The following RP2 variants were observed in gnomAD, a reference collection of about 807,000 sequenced individuals.
RP2 encodes the protein protein XRP2.
Under a neutral mutation model 20.3 loss-of-function variants are expected in RP2, and 3 were observed. That is an observed-to-expected ratio of 0.15 (90% CI 0.07 to 0.38). The LOEUF is 0.38. Ranked by LOEUF, RP2 falls within the 10% of genes least tolerant of loss-of-function variation. The pLI is 1.00. For synonymous variants in RP2, 75 were observed against 94.8 expected (o/e 0.79, Z 1.22); for missense variants, 233 against 268.5 (o/e 0.87, Z 0.92).
At chrX:46,844,513 C>A (rs1263536326) in intron 1 of RP2, among the ~76,000 whole-genome samples, 2 of 111,139 alleles carry the variant, frequency 1.8e-5, no homozygotes, top group Non-Finnish European at 3.8e-5. Flanking sequence ...TGAACTCATT[C>A]TTTTTTATGG....
intron 1 of RP2, among the ~76,000 whole-genome samples, chrX:46,847,765 CATGTGTGTGTGT>C (rs1924762031): frequency 3.8e-5 from 3 of 78,424 alleles, no homozygotes; most frequent in African/African-American, 1.6e-4. Flanking sequence ...TATATACACA[CATGTGTGTGTGT>C]ACATACACAC....
intron 1 of RP2, among the ~76,000 whole-genome samples, chrX:46,842,250 T>G (rs929950851): frequency 2.7e-5 from 3 of 111,745 alleles, no homozygotes; most frequent in African/African-American, 9.8e-5. Context: ...AACCAACCAC[T>G]CTTCATCCTC....
intron 1 of RP2, among the ~76,000 whole-genome samples, chrX:46,847,717 T>TATATGTGTGTGTGTATATACACACAC: frequency 1.5e-5 from 1 of 67,960 alleles, no homozygotes; most frequent in African/African-American, 5.9e-5. Flanking sequence ...TATACACACA[T>TATATGTGTGTGTGTATATACACACAC]ATATGTGTGT....
rs782611838 is a variant in RP2 at position 46,866,600 on chromosome X, T to G, written c.883+6498T>G. On this transcript the variant is annotated intron_variant, in intron 3 of 4. Transcript: ENST00000218340. The stretch of plus-strand genomic sequence containing the variant: ...AACTTATTTGCCAACTAGAGTGCAG[T>G]TGGTATTGTACAGTCTTGTCTTTAG... 2.7e-5 allele frequency among the ~76,000 whole-genome samples: 3 copies of G among 112,022 alleles called. No individual in the cohort carries two copies. In the South Asian group the frequency reaches 1.1e-3, roughly 41 times the overall value.
At chrX:46,852,456 TTC>T (rs1341869073) in intron 1 of RP2, among the ~76,000 whole-genome samples, 1 of 112,534 alleles carries the variant, frequency 8.9e-6, no homozygotes, top group East Asian at 2.8e-4. Context: ...CTTCAGGTTC[TTC>T]TGTTTTCTGT....
Position 46,841,836 on chromosome X carries a change from TA to T in RP2, c.102+4636del, listed in dbSNP as rs781942484. Among the ~76,000 whole-genome samples the T allele has an allele frequency of 3.6e-5, 4 of 112,552 alleles. No individual in the cohort carries two copies. The South Asian group carries it at 1.5e-3, about 41-fold the overall frequency. ...AGGATATAACTAGTTCTTTGTTTAT[TA>T]ATTTTAAAAATAGCTTTTTAGAGAT... On this transcript the variant is annotated intron_variant, in intron 1 of 4. Transcript: ENST00000218340.
chrX:46,854,376 ATTTG>A (rs1195559602), intron 2 of RP2, among the ~76,000 whole-genome samples: 1 of 112,192 alleles, frequency 8.9e-6, no homozygotes, highest in African/African-American at 3.2e-5. Context: ...AGCATTAAGC[ATTTG>A]TTTGTAAGTA....
intron 3 of RP2, among the ~76,000 whole-genome samples, chrX:46,872,793 A>G (rs192698769): frequency 9.0e-6 from 1 of 111,664 alleles, no homozygotes; most frequent in Non-Finnish European, 1.9e-5. Flanking sequence ...GCTGGAGCGC[A>G]GTGGCTTGAT....
At chrX:46,853,044 T>C (rs1924889659) in intron 1 of RP2, among the ~76,000 whole-genome samples, 1 of 112,317 alleles carries the variant, frequency 8.9e-6, no homozygotes, top group African/African-American at 3.2e-5. Context: ...TAAAAATATA[T>C]TTTTGACCCT....
chrX:46,858,760 A>G (rs782305048), intron 2 of RP2, among the ~76,000 whole-genome samples: 1 of 111,847 alleles, frequency 8.9e-6, no homozygotes, highest in East Asian at 2.8e-4. Context: ...TGTGTGAGCC[A>G]TGATGCTGGG....
chrX:46,876,068 G>A (rs1925369748), intron 3 of RP2, among the ~76,000 whole-genome samples: 1 of 111,509 alleles, frequency 9.0e-6, no homozygotes, highest in African/African-American at 3.3e-5. Flanking sequence ...AAGGCAAGAG[G>A]ATTGCTTGAG....
chrX:46,864,556 G>A (rs1312193333), intron 3 of RP2, among the ~76,000 whole-genome samples: 2 of 109,192 alleles, frequency 1.8e-5, no homozygotes, highest in Non-Finnish European at 3.8e-5. Flanking sequence ...GACTACAGGC[G>A]TGCACCACCA....
chrX:46,851,446 G>A (rs942726141), intron 1 of RP2, among the ~76,000 whole-genome samples: 1 of 108,517 alleles, frequency 9.2e-6, no homozygotes, highest in Non-Finnish European at 1.9e-5. Flanking sequence ...AGACCAGCCC[G>A]GCTAACATGG....
At chrX:46,846,157 G>T (rs1216633286) in intron 1 of RP2, among the ~76,000 whole-genome samples, 3 of 111,950 alleles carry the variant, frequency 2.7e-5, no homozygotes, top group African/African-American at 6.5e-5. Context: ...CATTTGGGTT[G>T]TTTCCAATTT....
intron 4 of RP2, among the ~76,000 whole-genome samples, chrX:46,879,077 A>AAC (rs1421962190): frequency 2.0e-5 from 2 of 98,630 alleles, no homozygotes; most frequent in Non-Finnish European, 4.1e-5. Flanking sequence ...AAAAAAAAAA[A>AAC]AAAAAAAAAA....
chrX:46,869,732 C>T (rs1002857562), intron 3 of RP2, among the ~76,000 whole-genome samples: 3 of 105,988 alleles, frequency 2.8e-5, no homozygotes, highest in Admixed American at 1.0e-4. Context: ...GCCTCAGCCT[C>T]CTGAGTAGCT....
intron 2 of RP2, among the ~76,000 whole-genome samples, chrX:46,856,467 A>T (rs782188065): frequency 8.9e-5 from 10 of 112,389 alleles, no homozygotes; most frequent in Admixed American, 1.9e-4. Flanking sequence ...GCACTATTGT[A>T]AGGAATTTAA....
chrX:46,861,558 A>G (rs950534536), intron 3 of RP2, among the ~76,000 whole-genome samples: 3 of 111,751 alleles, frequency 2.7e-5, no homozygotes, highest in African/African-American at 9.8e-5. Context: ...TAAAAGGAAT[A>G]CTGGGACTGG....
chrX:46,869,766 C>T (rs1238051790), intron 3 of RP2, among the ~76,000 whole-genome samples: 4 of 107,818 alleles, frequency 3.7e-5, no homozygotes, highest in African/African-American at 1.0e-4. Flanking sequence ...TGTGCCACCA[C>T]GCCCGGCTAA....
Sources: allele counts gnomAD v4.1 joint callset (sites outside exome capture counted in the v4.1 genomes callset), GRCh38; gene constraint gnomAD v4.1.1; transcripts MANE v1.5; gene names NCBI Gene and HGNC (gene_info 2026-07-23, HGNC 2026-07-21).